Variants in SUMF1 observed in about 807,000 individuals in gnomAD.
SUMF1 encodes the protein formylglycine-generating enzyme.
A neutral mutation model predicts 47.6 loss-of-function variants in SUMF1; 48 were observed. The observed-to-expected ratio is 1.01, with a 90% CI of 0.80 to 1.28. SUMF1 has a LOEUF of 1.28. Ranked by LOEUF, SUMF1 falls within the 50% of genes most tolerant of loss-of-function variation. The pLI is 0.00. For synonymous variants in SUMF1, 230 were observed against 192.1 expected, an observed-to-expected ratio of 1.20 and a Z score of -1.63; for missense variants, 571 against 485.4, an observed-to-expected ratio of 1.18 and a Z score of -1.66.
chr3:4,260,273 A>G (rs1697057390), intron 8 of SUMF1, among the ~76,000 whole-genome samples: 1 of 127,502 alleles, frequency 7.8e-6, no homozygotes, highest in Non-Finnish European at 1.8e-5. Context: ...CGTTCTATAA[A>G]AGACAACCAA....
At chr3:4,303,407 G>T in intron 8 of SUMF1, 1 of 1,558,440 alleles carries the variant, frequency 6.4e-7, no homozygotes, top group East Asian at 2.6e-5. Context: ...ACGGCCTTGT[G>T]GGATGGCGGA....
At chr3:4,200,196 G>C (rs139209121) in intron 8 of SUMF1, among the ~76,000 whole-genome samples, 1 of 132,340 alleles carries the variant, frequency 7.6e-6, no homozygotes, top group African/African-American at 2.8e-5. Flanking sequence ...TTTTTTTTGC[G>C]TATGGCTACT....
intron 8 of SUMF1, among the ~76,000 whole-genome samples, chr3:4,341,332 C>T (rs1325445139): frequency 6.6e-6 from 1 of 152,020 alleles, no homozygotes; most frequent in Non-Finnish European, 1.5e-5. Flanking sequence ...TCCTACCATG[C>T]CGGAGTGGCT....
At chr3:4,075,321 A>G (rs1692397532) in intron 8 of SUMF1, among the ~76,000 whole-genome samples, 1 of 152,130 alleles carries the variant, frequency 6.6e-6, no homozygotes. Flanking sequence ...TCAATAAACT[A>G]GGTATTGATG....
At chr3:4,092,588 C>T (rs936500148) in intron 8 of SUMF1, among the ~76,000 whole-genome samples, 1 of 152,088 alleles carries the variant, frequency 6.6e-6, no homozygotes, top group African/African-American at 2.4e-5. Context: ...TGTCATATTC[C>T]TAGCCTGCCT....
At chr3:4,388,622 C>G (rs796281758) in intron 7 of SUMF1, among the ~76,000 whole-genome samples, 61 of 152,062 alleles carry the variant, frequency 4.0e-4, no homozygotes, top group African/African-American at 1.4e-3. Context: ...TGTCTGTTCT[C>G]TATTTTTTTG....
At chr3:4,130,005 C>T (rs1005714421) in intron 8 of SUMF1, among the ~76,000 whole-genome samples, 18 of 152,124 alleles carry the variant, frequency 1.2e-4, no homozygotes, top group Admixed American at 5.2e-4. Flanking sequence ...GACATTAGAG[C>T]TGCCCCTACC....
chr3:4,320,874 CAA>C (rs1048205696), intron 8 of SUMF1, among the ~76,000 whole-genome samples: 1 of 152,146 alleles, frequency 6.6e-6, no homozygotes, highest in African/African-American at 2.4e-5. Context: ...GGGTGAGAAA[CAA>C]GAGAAAGCCA....
chr3:4,311,864 A>G (rs1327893018), intron 8 of SUMF1, among the ~76,000 whole-genome samples: 1 of 152,218 alleles, frequency 6.6e-6, no homozygotes, highest in East Asian at 1.9e-4. Context: ...CTATATACAT[A>G]AAAAAATCTG....
At chr3:4,213,028 C>G (rs933369447) in intron 8 of SUMF1, among the ~76,000 whole-genome samples, 1 of 152,232 alleles carries the variant, frequency 6.6e-6, no homozygotes, top group East Asian at 1.9e-4. Context: ...CCCAGCAAGA[C>G]AGGCCAACAT....
chr3:4,373,162 G>A (rs1700218440), intron 8 of SUMF1, among the ~76,000 whole-genome samples: 1 of 151,606 alleles, frequency 6.6e-6, no homozygotes, highest in Non-Finnish European at 1.5e-5. Flanking sequence ...TAAGCATAAG[G>A]AGAGAAAATG....
chr3:4,097,792 A>C lies in SUMF1; in HGVS notation c.1015-29047T>G, dbSNP rs539548932. 3.9e-5 allele frequency among the ~76,000 whole-genome samples: 6 copies of C among 152,226 alleles called. No individual in the cohort carries two copies. The East Asian group carries it at 7.7e-4, about 20-fold the overall frequency. On this transcript the variant is annotated intron_variant and NMD_transcript_variant, in intron 8 of 12. Coordinates refer to the SUMF1 transcript ENST00000448413. ...CCCTAGATTAACCAGAGTTCTTTCA[A>C]GAGTACCACCCTTTCTTACATCCAG...
chr3:4,060,331 G>T (rs1381692853), intron 9 of SUMF1, among the ~76,000 whole-genome samples: 1 of 152,152 alleles, frequency 6.6e-6, no homozygotes, highest in Non-Finnish European at 1.5e-5. Context: ...ACAGACTGCT[G>T]AACTAGGATT....
At chr3:4,326,144 T>C (rs1698940440) in intron 8 of SUMF1, among the ~76,000 whole-genome samples, 1 of 152,204 alleles carries the variant, frequency 6.6e-6, no homozygotes, top group South Asian at 2.1e-4. Flanking sequence ...ATAACTTTTT[T>C]CTCTCAATCC....
rs564542723 is a variant in SUMF1 at position 4,459,781 on chromosome 3, G to T, written c.271-6732C>A. Among the ~76,000 whole-genome samples, 2 of 152,084 alleles carry T rather than the reference G, an allele frequency of 1.3e-5. 1 individual carries two copies. The highest frequency in any genetic ancestry group is 1.3e-4 in the Admixed American group (2 of 15,270). On this transcript the variant is annotated intron_variant, in intron 1 of 8. Transcript: ENST00000272902. ...GATAACTGCAGAACCCTTGTAATTG[G>T]TGTTCCTGTCTTCAGTCTCCTTTCA...
intron 8 of SUMF1, among the ~76,000 whole-genome samples, chr3:4,375,078 G>A (rs952432899): frequency 2.1e-5 from 3 of 140,924 alleles, no homozygotes; most frequent in African/African-American, 7.9e-5. Context: ...CGGGGCTGTA[G>A]TGAGCTGTGA....
downstream of SUMF1, among the ~76,000 whole-genome samples, chr3:4,359,647 G>A (rs1204666588): frequency 6.6e-6 from 1 of 152,182 alleles, no homozygotes; most frequent in Non-Finnish European, 1.5e-5. Context: ...GAGACAGTGA[G>A]TGCTGAGCAA....
intron 8 of SUMF1, among the ~76,000 whole-genome samples, chr3:4,363,126 T>C (rs918233903): frequency 1.3e-5 from 2 of 152,150 alleles, no homozygotes; most frequent in African/African-American, 4.8e-5. Context: ...AATAAGAATA[T>C]ATATTAATTT....
intron 3 of SUMF1, among the ~76,000 whole-genome samples, chr3:4,430,638 T>G (rs1390042264): frequency 6.6e-6 from 1 of 152,126 alleles, no homozygotes; most frequent in African/African-American, 2.4e-5. Context: ...TCTATGCCAC[T>G]CCTGTGCTAG....
Sources: allele counts gnomAD v4.1 joint callset (sites outside exome capture counted in the v4.1 genomes callset), GRCh38; gene constraint gnomAD v4.1.1; transcripts MANE v1.5; gene names NCBI Gene and HGNC (gene_info 2026-07-23, HGNC 2026-07-21).